The following MAST2 variants were observed in gnomAD, a reference collection of about 807,000 sequenced individuals.
MAST2 encodes the protein microtubule-associated serine/threonine-protein kinase 2.
A neutral mutation model predicts 147.4 loss-of-function variants in MAST2; 70 were observed. That is an observed-to-expected ratio of 0.47 (90% confidence interval 0.39 to 0.58). The LOEUF is 0.58. Among genes scored for constraint, MAST2 ranks in the 20% least tolerant of loss-of-function variants. The probability of loss-of-function intolerance (pLI) is 0.00; values close to 1 mark genes in which losing one functional copy is unlikely to be tolerated. For synonymous variants in MAST2, 869 were observed against 896.8 expected, an observed-to-expected ratio of 0.97 and a Z score of 0.55; for missense variants, 2,080 against 2,302.3, an observed-to-expected ratio of 0.90 and a Z score of 1.98.
At chr1:45,827,538 AG>A (rs1365030473) in intron 2 of MAST2, among the ~76,000 whole-genome samples, 2 of 152,184 alleles carry the variant, frequency 1.3e-5, no homozygotes, top group Admixed American at 6.6e-5. Context: ...TAGAATTAAT[AG>A]GTGAGAAGTA....
chr1:46,005,088 C>T (rs966593401), intron 7 of MAST2, among the ~76,000 whole-genome samples: 2 of 152,114 alleles, frequency 1.3e-5, no homozygotes, highest in African/African-American at 2.4e-5. Flanking sequence ...ACAGGCTGGG[C>T]GCGGTGGCTC....
rs542942241 is a variant in MAST2, at chr1:45,863,975, A to G, written c.469-18389A>G. 2.6e-5 allele frequency among the ~76,000 whole-genome samples: 4 copies of G among 152,338 alleles called. No individual in the cohort carries two copies. The East Asian group carries it at 7.7e-4, about 29-fold the overall frequency. ...TCAGCAACTTTCCTTTGTGTTTACTAAGATTCTGACAATTACCATAAAGTT... is the reference window on the plus strand; with the variant it reads ...TCAGCAACTTTCCTTTGTGTTTACTGAGATTCTGACAATTACCATAAAGTT... On this transcript the variant is annotated intron_variant, in intron 3 of 28. Coordinates refer to ENST00000361297, the MANE Select transcript of MAST2 (RefSeq NM_015112.3).
chr1:45,969,360 G>A (rs749749695), intron 5 of MAST2, among the ~76,000 whole-genome samples: 2 of 152,154 alleles, frequency 1.3e-5, no homozygotes, highest in African/African-American at 2.4e-5. Flanking sequence ...GCAGGGATCC[G>A]CAACCCCTGG....
At chr1:45,832,288 TTTTCTTTTCTTTC>T (rs954230816) in intron 3 of MAST2, among the ~76,000 whole-genome samples, 84 of 149,526 alleles carry the variant, frequency 5.6e-4, no homozygotes, top group African/African-American at 2.1e-3. Flanking sequence ...CTGTGTTTTC[TTTTCTTTTCTTTC>T]TTTCTTTTTT....
rs1277688349 is a variant in MAST2 at position 45,888,971 on chromosome 1, C to T, written c.500+6576C>T. Among the ~76,000 whole-genome samples the T allele has an allele frequency of 3.9e-5, 6 of 152,032 alleles. No homozygotes were observed. In the East Asian group the frequency reaches 9.7e-4, roughly 25 times the overall value. On this transcript the variant is annotated intron_variant, in intron 4 of 28. Transcript: ENST00000361297. ...GATTACAGGCCTGAGCCACTGTGCC[C>T]GGCTGGTGTTCTCTCTTTCTTTATA...
In MAST2 at chr1:45,984,908, A is replaced by G. The variant is rs368394951; in HGVS notation, c.593-12816A>G. On this transcript the variant is annotated intron_variant, in intron 5 of 28. Coordinates refer to ENST00000361297, the MANE Select transcript of MAST2 (RefSeq NM_015112.3). ...AGTACATAAATATGAGCTATCTTCA[A>G]TCACATTGCATTCTAAATGAAAAGG... Among the ~76,000 whole-genome samples the G allele has an allele frequency of 4.5e-4, 69 of 152,304 alleles. No individual in the cohort carries two copies. In the South Asian group the frequency reaches 9.9e-3, roughly 22 times the overall value.
At chr1:46,024,151 G>A in intron 15 of MAST2, 171 bp downstream of exon 15, 1 of 637,034 alleles carries the variant, frequency 1.6e-6, no homozygotes, top group Non-Finnish European at 2.8e-6. Flanking sequence ...GCCACAGTGG[G>A]CACAAAGCTC....
chr1:45,891,940 C>T (rs912918859), intron 4 of MAST2, among the ~76,000 whole-genome samples: 1 of 152,032 alleles, frequency 6.6e-6, no homozygotes, highest in East Asian at 1.9e-4. Context: ...GGGTGAATTC[C>T]TAAGGGTCCT....
intron 16 of MAST2, among the ~76,000 whole-genome samples, chr1:46,026,296 G>T (rs1041744056): frequency 6.6e-6 from 1 of 152,202 alleles, no homozygotes; most frequent in Non-Finnish European, 1.5e-5. Context: ...CAGGAGAGCA[G>T]AATGTGCAGA....
At chr1:45,846,780 A>ATGCCACTG (rs1385851060) in intron 3 of MAST2, among the ~76,000 whole-genome samples, 93 of 151,922 alleles carry the variant, frequency 6.1e-4, no homozygotes, top group African/African-American at 2.2e-3. Context: ...AGCCGAGATG[A>ATGCCACTG]TGCCACTGCA....
chr1:45,838,082 A>C (rs994722119), intron 3 of MAST2, among the ~76,000 whole-genome samples: 1 of 149,504 alleles, frequency 6.7e-6, no homozygotes, highest in African/African-American at 2.5e-5. Context: ...CCCGGCTATC[A>C]TTTTTTAAAT....
At chr1:45,992,542 G>T (rs909525125) in intron 5 of MAST2, among the ~76,000 whole-genome samples, 5 of 152,032 alleles carry the variant, frequency 3.3e-5, no homozygotes, top group Non-Finnish European at 7.4e-5. Context: ...AGTAATACTG[G>T]CCCCATGGAA....
intron 4 of MAST2, among the ~76,000 whole-genome samples, chr1:45,886,773 G>A (rs1049171671): frequency 1.3e-5 from 2 of 152,068 alleles, no homozygotes; most frequent in African/African-American, 4.8e-5. Flanking sequence ...TGCTATAGTG[G>A]GGGCCTCTTT....
chr1:46,036,018 G>A lies in MAST2; in HGVS notation c.5349G>A (p.Lys1783=), dbSNP rs1646892664. The change falls in exon 29 of 29, where the codon AAG becomes AAA. Residue 1783 remains lysine (K), a synonymous_variant. Transcript: ENST00000361297. The part of the protein sequence containing the change: ...RRGQEPGGHQ[K]HRDLALVPDE... Reference sequence around the variant, plus strand: ...GCCAAGAACCAGGGGGCCATCAAAAGCATCGGGATTTGGCATTGGTTCCAG... The same window carrying A: ...GCCAAGAACCAGGGGGCCATCAAAAACATCGGGATTTGGCATTGGTTCCAG... The A allele has an allele frequency of 1.9e-6, 3 of 1,612,916 alleles. No homozygotes were observed. Among genetic ancestry groups the A allele is most frequent in the Non-Finnish European group, 8.5e-7 (1 of 1,179,818 alleles).
intron 3 of MAST2, among the ~76,000 whole-genome samples, chr1:45,844,542 C>T (rs1302413485): frequency 1.3e-5 from 2 of 152,070 alleles, no homozygotes; most frequent in Non-Finnish European, 2.9e-5. Context: ...CCTCGGCTTC[C>T]CAAAGTGCTG....
At chr1:46,022,815 T>TA in intron 12 of MAST2, 95 bp from the exon 13 acceptor site, 2 of 905,910 alleles carry the variant, frequency 2.2e-6, no homozygotes, top group Non-Finnish European at 3.7e-6. Context: ...AAAGCATTAA[T>TA]GACTACCCTA....
At chr1:45,933,248 G>A (rs1474893293) in intron 4 of MAST2, among the ~76,000 whole-genome samples, 4 of 101,778 alleles carry the variant, frequency 3.9e-5, no homozygotes, top group African/African-American at 1.5e-4. Flanking sequence ...CGGGGGGGTT[G>A]GGGGGGGCAA....
At chr1:46,017,977 C>A (rs1316457605) in intron 10 of MAST2, among the ~76,000 whole-genome samples, 1 of 152,186 alleles carries the variant, frequency 6.6e-6, no homozygotes, top group Non-Finnish European at 1.5e-5. Flanking sequence ...ACCAGTCTAC[C>A]AAAACTGTTC....
intron 4 of MAST2, among the ~76,000 whole-genome samples, chr1:45,920,801 T>G (rs1019514080): frequency 4.6e-5 from 7 of 152,266 alleles, no homozygotes; most frequent in Non-Finnish European, 1.0e-4. Context: ...TTACATTTGT[T>G]AAATTTAATT....
Sources: gnomAD v4.1 joint callset for allele counts (sites outside exome capture counted in the v4.1 genomes callset) on GRCh38, gnomAD v4.1.1 for gene constraint, MANE v1.5 for transcripts, NCBI Gene and HGNC (gene_info 2026-07-23, HGNC 2026-07-21) for gene names.